FAT3: variants seen among roughly 807,000 people sequenced by gnomAD.
FAT3 encodes FAT atypical cadherin 3, also known as protocadherin Fat 3.
Under a neutral mutation model 310.2 loss-of-function variants are expected in FAT3, and 95 were observed. The observed-to-expected ratio is 0.31, with a 90% CI of 0.26 to 0.36. The LOEUF is 0.36. FAT3 is among the 10% of genes least tolerant of loss of function. The pLI is 1.00. For missense variants in FAT3, 5,408 were observed against 5,715.6 expected (o/e 0.95, Z 1.74); for synonymous variants, 2,314 against 2,192.9 (o/e 1.06, Z -1.54).
chr11:92,787,916 G>C (rs1399994990), intron 7 of FAT3, among the ~76,000 whole-genome samples: 1 of 151,980 alleles, frequency 6.6e-6, no homozygotes, highest in Non-Finnish European at 1.5e-5. Context: ...TAAAAACCTT[G>C]ATGCTCTAAT....
chr11:92,410,720 G>A (rs1950238308), intron 2 of FAT3, among the ~76,000 whole-genome samples: 1 of 152,014 alleles, frequency 6.6e-6, no homozygotes, highest in South Asian at 2.1e-4. Context: ...GACTTCAACT[G>A]CAACCAGCAT....
intron 2 of FAT3, among the ~76,000 whole-genome samples, chr11:92,365,144 C>T (rs1473396561): frequency 2.0e-5 from 3 of 152,090 alleles, no homozygotes; most frequent in Non-Finnish European, 2.9e-5. Context: ...GTGGCATGCA[C>T]CTGTGGTCCC....
intron 4 of FAT3, among the ~76,000 whole-genome samples, chr11:92,704,961 C>T (rs1242211045): frequency 6.6e-6 from 1 of 152,168 alleles, no homozygotes; most frequent in Non-Finnish European, 1.5e-5. Context: ...GTGCTTCATG[C>T]TCCATATTCC....
intron 2 of FAT3, among the ~76,000 whole-genome samples, chr11:92,468,754 C>T (rs1951836894): frequency 6.6e-6 from 1 of 152,078 alleles, no homozygotes; most frequent in South Asian, 2.1e-4. Context: ...TGGGGAAACT[C>T]CCTTATATAA....
chr11:92,365,750 A>G (rs1447297744), intron 2 of FAT3, among the ~76,000 whole-genome samples: 1 of 152,178 alleles, frequency 6.6e-6, no homozygotes, highest in Non-Finnish European at 1.5e-5. Context: ...GCCTTGAAAC[A>G]AGGTGGGGGA....
chr11:92,773,054 G>T (rs538177416), intron 6 of FAT3, among the ~76,000 whole-genome samples: 34 of 152,190 alleles, frequency 2.2e-4, no homozygotes, highest in African/African-American at 6.5e-4. Context: ...TCAACACCAT[G>T]AAATTTCAGG....
At chr11:92,711,380 A>G (rs1236796589) in intron 4 of FAT3, among the ~76,000 whole-genome samples, 1 of 152,160 alleles carries the variant, frequency 6.6e-6, no homozygotes, top group Non-Finnish European at 1.5e-5. Context: ...AGTAGGAACC[A>G]TCTATCACTT....
intron 1 of FAT3, among the ~76,000 whole-genome samples, chr11:92,248,514 C>T (rs1360538807): frequency 1.3e-5 from 2 of 152,104 alleles, no homozygotes; most frequent in African/African-American, 2.4e-5. Context: ...TGAAAGTTTA[C>T]GCTTTGACTA....
chr11:92,564,785 T>G (rs1023977674), intron 3 of FAT3, among the ~76,000 whole-genome samples: 10 of 148,642 alleles, frequency 6.7e-5, no homozygotes, highest in African/African-American at 2.0e-4. Flanking sequence ...CCTGAATGAC[T>G]ACTGGGTACA....
At chr11:92,320,559 AT>A (rs1422286659) in intron 1 of FAT3, among the ~76,000 whole-genome samples, 3 of 152,166 alleles carry the variant, frequency 2.0e-5, no homozygotes, top group African/African-American at 7.2e-5. Flanking sequence ...ATTGATGGTA[AT>A]TTATTATTTT....
intron 2 of FAT3, among the ~76,000 whole-genome samples, chr11:92,395,686 C>G (rs899467382): frequency 6.6e-6 from 1 of 151,824 alleles, no homozygotes; most frequent in African/African-American, 2.4e-5. Flanking sequence ...TCAAGCTATT[C>G]TCCTGCCTCA....
chr11:92,743,419 G>A (rs1018992696), intron 4 of FAT3, among the ~76,000 whole-genome samples: 6 of 152,220 alleles, frequency 3.9e-5, no homozygotes, highest in Admixed American at 1.3e-4. Context: ...GAAGAGAGAT[G>A]CAATGGTTTA....
At chr11:92,432,888 AGCCCCTAACTGGG>A (rs1363310294) in intron 2 of FAT3, among the ~76,000 whole-genome samples, 1 of 152,190 alleles carries the variant, frequency 6.6e-6, no homozygotes, top group African/African-American at 2.4e-5. Context: ...TTTATCTATA[AGCCCCTAACTGGG>A]GCTGCTGCCT....
rs962859449 is a variant in FAT3 at position 92,359,222 on chromosome 11, C to A, written c.3292+3818C>A. ...ACAGTGGCTACCAGATTATATATATCTTTTCTGTAAAATATTTTTTCTTAG... is the reference window on the plus strand; with the variant it reads ...ACAGTGGCTACCAGATTATATATATATTTTCTGTAAAATATTTTTTCTTAG... On this transcript the variant is annotated intron_variant, in intron 2 of 27. Coordinates refer to ENST00000525166, the MANE Select transcript of FAT3 (RefSeq NM_001367949.2). Among the ~76,000 whole-genome samples, 9 of 152,226 alleles carry A rather than the reference C, an allele frequency of 5.9e-5. No homozygotes were observed. In the East Asian group the frequency reaches 7.7e-4, roughly 13 times the overall value.
At chr11:92,804,323 G>A (rs1168699206) in intron 10 of FAT3, among the ~76,000 whole-genome samples, 2 of 151,770 alleles carry the variant, frequency 1.3e-5, no homozygotes, top group African/African-American at 4.8e-5. Flanking sequence ...AGTCTTTCTC[G>A]GTGTCTGAAA....
chr11:92,596,732 C>A (rs1407024722), intron 3 of FAT3, among the ~76,000 whole-genome samples: 1 of 152,138 alleles, frequency 6.6e-6, no homozygotes, highest in African/African-American at 2.4e-5. Context: ...TTTTGGCAGA[C>A]ACCGTCTATC....
intron 3 of FAT3, among the ~76,000 whole-genome samples, chr11:92,557,064 A>C (rs1955046024): frequency 6.6e-6 from 1 of 151,726 alleles, no homozygotes; most frequent in African/African-American, 2.4e-5. Context: ...CATTTTTCAT[A>C]GTTTTCATCT....
chr11:92,789,439 C>G (rs988044960), intron 7 of FAT3, among the ~76,000 whole-genome samples: 1 of 152,076 alleles, frequency 6.6e-6, no homozygotes, highest in Non-Finnish European at 1.5e-5. Context: ...TTGCTGGACC[C>G]CTACTATCAG....
chr11:92,666,382 C>T (rs1942949597), intron 3 of FAT3, among the ~76,000 whole-genome samples: 1 of 144,038 alleles, frequency 6.9e-6, no homozygotes, highest in African/African-American at 2.6e-5. Context: ...GACGGAATCT[C>T]GCTCTGTTGC....
Sources: gnomAD v4.1 joint callset for allele counts (sites outside exome capture counted in the v4.1 genomes callset) on GRCh38, gnomAD v4.1.1 for gene constraint, MANE v1.5 for transcripts, NCBI Gene and HGNC (gene_info 2026-07-23, HGNC 2026-07-21) for gene names.